Variants in SYN3 observed in about 807,000 individuals in gnomAD.
The protein encoded by SYN3 is synapsin III.
In SYN3, 35 loss-of-function variants were observed where a neutral mutation model predicts 65.8. The observed-to-expected ratio is 0.53, with a 90% CI of 0.41 to 0.70. SYN3 has a LOEUF of 0.70. Among genes scored for constraint, SYN3 ranks in the 30% least tolerant of loss-of-function variants. The probability of loss-of-function intolerance (pLI) is 0.00; values close to 1 mark genes in which losing one functional copy is unlikely to be tolerated. For missense variants in SYN3, 680 were observed against 749.0 expected (o/e 0.91, Z 1.08); for synonymous variants, 270 against 292.9 (o/e 0.92, Z 0.80).
At chr22:32,956,030 T>A (rs1347925882) in intron 3 of SYN3, among the ~76,000 whole-genome samples, 1 of 83,104 alleles carries the variant, frequency 1.2e-5, no homozygotes, top group Non-Finnish European at 2.2e-5. Flanking sequence ...TAATACTACT[T>A]AATAAATTCA....
rs1444744975 is a variant in SYN3 at position 32,533,801 on chromosome 22, T to C, written c.1087A>G (p.Ile363Val). The change falls in exon 10 of 14, where the codon ATC (isoleucine) becomes GTC (valine). Residue 363 changes from isoleucine (I) to valine (V), a missense_variant. Coordinates refer to ENST00000358763, the MANE Select transcript of SYN3 (RefSeq NM_003490.4). Reference sequence around the variant, plus strand: ...CCTGCTTCATCCCTCACCTCGATGATGTAATCTCTGCCATCCTTGCTGTGG... The same window carrying C: ...CCTGCTTCATCCCTCACCTCGATGACGTAATCTCTGCCATCCTTGCTGTGG... ...AVHSKDGRDY[I>V]IEVMDSSMPL... is the part of the protein sequence containing the mutation. 1.2e-6 allele frequency: 2 copies of C among 1,612,722 alleles called. No individual in the cohort carries two copies. Among genetic ancestry groups the C allele is most frequent in the East Asian group, 2.2e-5 (1 of 44,852 alleles).
chr22:32,820,822 G>C (rs1448563813), intron 6 of SYN3, among the ~76,000 whole-genome samples: 8 of 152,168 alleles, frequency 5.3e-5, no homozygotes, highest in Non-Finnish European at 2.9e-5. Flanking sequence ...GAGAAAAGGA[G>C]GTTAACTGCT....
intron 2 of SYN3, among the ~76,000 whole-genome samples, chr22:32,993,041 C>T (rs1041800552): frequency 5.9e-5 from 9 of 152,228 alleles, no homozygotes; most frequent in Non-Finnish European, 1.2e-4. Context: ...TAGAACAAGC[C>T]GGGCTTGTTC....
At chr22:32,911,518 C>A (rs1433779098) in intron 4 of SYN3, among the ~76,000 whole-genome samples, 2 of 152,078 alleles carry the variant, frequency 1.3e-5, no homozygotes, top group East Asian at 3.9e-4. Context: ...TCAACCTTGC[C>A]CTGATGCCTG....
intron 7 of SYN3, among the ~76,000 whole-genome samples, chr22:32,549,905 A>G (rs1020524587): frequency 6.8e-6 from 1 of 147,870 alleles, no homozygotes; most frequent in East Asian, 2.0e-4. Context: ...AAAAAATGCA[A>G]TGAAGGAATG....
rs900216919 is a variant in SYN3 at position 32,742,576 on chromosome 22, C to T, written c.711+122339G>A. Among the ~76,000 whole-genome samples, 6 of 152,310 alleles carry T rather than the reference C, an allele frequency of 3.9e-5. No individual in the cohort carries two copies. In the Middle Eastern group the frequency reaches 0.01, roughly 259 times the overall value. On this transcript the variant is annotated intron_variant, in intron 6 of 13. Coordinates refer to ENST00000358763, the MANE Select transcript of SYN3 (RefSeq NM_003490.4). ...TCTGCCAGGCACAGACATGTTCTTT[C>T]TCACTCTATAGACAAGGAAACAGAG...
chr22:32,988,307 A>ATAAT (rs2052590821), intron 2 of SYN3, among the ~76,000 whole-genome samples: 1 of 142,582 alleles, frequency 7.0e-6, no homozygotes, highest in South Asian at 2.3e-4. Flanking sequence ...CTCTGTCTCA[A>ATAAT]AATAATAATA....
chr22:32,959,580 G>A (rs112225918), intron 3 of SYN3, among the ~76,000 whole-genome samples: 1,847 of 151,990 alleles, frequency 0.012, 52 homozygotes, highest in African/African-American at 0.042. Flanking sequence ...TTTTCAAGAG[G>A]CAGCCTAAGG....
chr22:32,527,727 A>C, intron 12 of SYN3, 191 bp downstream of exon 12: 1 of 561,756 alleles, frequency 1.8e-6, no homozygotes, highest in Non-Finnish European at 3.1e-6. Context: ...TAATAAATTA[A>C]CCTTCTATTT....
At chr22:32,655,879 T>C (rs1438901538) in intron 6 of SYN3, among the ~76,000 whole-genome samples, 1 of 152,050 alleles carries the variant, frequency 6.6e-6, no homozygotes, top group African/African-American at 2.4e-5. Context: ...AGTGGAAAAA[T>C]TGTCTTCCAC....
chr22:32,602,391 A>G (rs1215689895), intron 6 of SYN3, among the ~76,000 whole-genome samples: 1 of 152,136 alleles, frequency 6.6e-6, no homozygotes, highest in Non-Finnish European at 1.5e-5. Flanking sequence ...GTCACACTGT[A>G]TACACCCCTC....
At chr22:32,651,589 A>AATGAAC (rs1569126139) in intron 6 of SYN3, among the ~76,000 whole-genome samples, 12 of 115,148 alleles carry the variant, frequency 1.0e-4, no homozygotes, top group Admixed American at 3.4e-4. Flanking sequence ...AATGAATGAA[A>AATGAAC]AGGCTTTAAA....
intron 6 of SYN3, among the ~76,000 whole-genome samples, chr22:32,774,460 G>C (rs577758123): frequency 6.6e-6 from 1 of 152,042 alleles, no homozygotes; most frequent in Non-Finnish European, 1.5e-5. Context: ...TCCTCCCCTC[G>C]AGTCTTCACA....
At chr22:32,973,950 G>C (rs552803817) in intron 3 of SYN3, among the ~76,000 whole-genome samples, 39 of 152,054 alleles carry the variant, frequency 2.6e-4, no homozygotes, top group Admixed American at 5.2e-4. Context: ...CACCACGCCT[G>C]GCTGATTTTT....
chr22:32,866,517 T>C (rs577437426), intron 5 of SYN3, among the ~76,000 whole-genome samples: 1 of 152,214 alleles, frequency 6.6e-6, no homozygotes, highest in Non-Finnish European at 1.5e-5. Flanking sequence ...ACTAGCTATG[T>C]GAGCCTCAGT....
At chr22:33,026,262 T>C (rs1347316444) in intron 1 of SYN3, among the ~76,000 whole-genome samples, 4 of 152,202 alleles carry the variant, frequency 2.6e-5, no homozygotes, top group South Asian at 4.1e-4. Flanking sequence ...TTTGAACCCA[T>C]AGCCCCTTGT....
At chr22:32,913,396 GA>G (rs2050105427) in intron 4 of SYN3, among the ~76,000 whole-genome samples, 1 of 151,770 alleles carries the variant, frequency 6.6e-6, no homozygotes, top group Non-Finnish European at 1.5e-5. Context: ...CTGACCTCGT[GA>G]TCCGCCCACC....
At chr22:32,757,123 A>G (rs961623421) in intron 6 of SYN3, among the ~76,000 whole-genome samples, 1 of 151,630 alleles carries the variant, frequency 6.6e-6, no homozygotes, top group African/African-American at 2.4e-5. Flanking sequence ...CATCACCCCT[A>G]GTGATCCACT....
chr22:33,005,178 G>T (rs926097305), intron 2 of SYN3, among the ~76,000 whole-genome samples: 1 of 152,046 alleles, frequency 6.6e-6, no homozygotes, highest in African/African-American at 2.4e-5. Flanking sequence ...ACCCAGTCTC[G>T]GGCAGTTCTT....
Sources: allele counts gnomAD v4.1 joint callset (sites outside exome capture counted in the v4.1 genomes callset), GRCh38; gene constraint gnomAD v4.1.1; transcripts MANE v1.5; gene names NCBI Gene and HGNC (gene_info 2026-07-23, HGNC 2026-07-21).